UBR1: variants seen among roughly 807,000 people sequenced by gnomAD.
The protein encoded by UBR1 is E3 ubiquitin-protein ligase UBR1.
UBR1 carries 102 observed loss-of-function variants against 242.1 expected under a neutral mutation model. That is an observed-to-expected ratio of 0.42 (90% CI 0.36 to 0.50). UBR1 has a LOEUF of 0.50. Among genes scored for constraint, UBR1 ranks in the 20% least tolerant of loss-of-function variants. The pLI, the probability that UBR1 is intolerant of heterozygous loss-of-function variation, is 0.01. For missense variants in UBR1, 1,772 were observed against 2,101.8 expected (o/e 0.84, Z 3.07); for synonymous variants, 675 against 684.8 (o/e 0.99, Z 0.22).
chr15:43,059,187 A>G lies in UBR1; in HGVS notation c.991T>C (p.Phe331Leu), dbSNP rs759951032. The G allele has an allele frequency of 2.0e-5, 32 of 1,613,634 alleles. No individual in the cohort carries two copies. The highest frequency in any genetic ancestry group is 5.0e-5 in the Admixed American group (3 of 59,992). The change falls in exon 9 of 47, where the codon TTT becomes CTT. Residue 331 changes from phenylalanine to leucine, a missense_variant. Physicochemically the swap from Phe to Leu is conservative, Grantham distance 22. This residue lies in a region of UBR1 where 734 missense variants were observed against 893.3 expected (regional missense o/e 0.82). Transcript: ENST00000290650. The part of the protein sequence containing the change: ...MNKIMSYSSD[F>L]RQIFCQACLR... ...CATGCTTGGCAAAAGATCTGCCTAA[A>G]GTCACCTACAAACAAAAGAGGTCAC... is the stretch of plus-strand genomic sequence containing the variant.
chr15:42,961,423 CTTTT>C lies in UBR1; in HGVS notation c.4701-726_4701-723del, dbSNP rs766721149. Among the ~76,000 whole-genome samples, 14 of 131,894 alleles carry C rather than the reference CTTTT, an allele frequency of 1.1e-4. No homozygotes were observed. In the East Asian group the frequency reaches 2.4e-3, roughly 23 times the overall value. The allele number at this position is 131,894 out of a possible 152,430, so 86.5% of individuals were successfully genotyped here. A position where few individuals can be genotyped will look rare whatever the true frequency, so the allele number is the denominator to read the frequency against. On this transcript the variant is annotated intron_variant, in intron 42 of 46. Transcript: ENST00000290650. The stretch of plus-strand genomic sequence containing the variant: ...AGCCACTGTGCTGGCCTATGTTCCT[CTTTT>C]TTTTTTTTTTTTTTTAGATGGAGTC...
At chr15:42,963,838 A>G in intron 42 of UBR1, 97 bp downstream of exon 42, 1 of 951,216 alleles carries the variant, frequency 1.1e-6, no homozygotes, top group South Asian at 1.4e-5. Flanking sequence ...CACCCCTTTA[A>G]TCAGTGCTGA....
intron 20 of UBR1, among the ~76,000 whole-genome samples, chr15:43,031,991 A>C (rs958070351): frequency 2.6e-5 from 4 of 152,110 alleles, no homozygotes; most frequent in Non-Finnish European, 2.9e-5. Context: ...CTGAGATCGC[A>C]CCACTGCACT....
chr15:42,976,439 G>A (rs1489471855), intron 39 of UBR1, among the ~76,000 whole-genome samples: 1 of 152,152 alleles, frequency 6.6e-6, no homozygotes, highest in Non-Finnish European at 1.5e-5. Flanking sequence ...CAGACCTCGA[G>A]GATGGGGAAT....
chr15:43,020,538 C>T (rs529306299), intron 27 of UBR1, among the ~76,000 whole-genome samples: 2 of 152,306 alleles, frequency 1.3e-5, no homozygotes, highest in East Asian at 3.9e-4. Context: ...ATGCCTATCC[C>T]CCATAATCCA....
chr15:43,026,397 GT>G (rs2033178487), intron 23 of UBR1, 163 bp downstream of exon 23: 1 of 603,768 alleles, frequency 1.7e-6, no homozygotes, highest in South Asian at 1.9e-5. Flanking sequence ...AATATTGCCT[GT>G]ATACTAGATA....
chr15:42,997,837 A>C (rs2141282100), intron 33 of UBR1, among the ~76,000 whole-genome samples: 1 of 152,298 alleles, frequency 6.6e-6, no homozygotes, highest in East Asian at 1.9e-4. Context: ...AGCTTAAGTA[A>C]CTTGCCCAAG....
chr15:43,059,701 C>T lies in UBR1; in HGVS notation c.985+1G>A. 1 of 1,613,504 alleles carries T rather than the reference C, an allele frequency of 6.2e-7. No homozygotes were observed. Among genetic ancestry groups the T allele is most frequent in the Non-Finnish European group, 8.5e-7 (1 of 1,179,812 alleles). On this transcript the variant is annotated splice_donor_variant, in intron 8 of 46. Coordinates refer to ENST00000290650, the MANE Select transcript of UBR1 (RefSeq NM_174916.3). LOFTEE classifies it high-confidence loss of function. ...ACAAGAAAAACAGGAGGTATGCTTA[C>T]TTGAATAGCTCATAATTTTGTTCAT... is the stretch of plus-strand genomic sequence containing the variant.
At chr15:43,028,068 T>C (rs2033200213) in intron 21 of UBR1, among the ~76,000 whole-genome samples, 2 of 152,220 alleles carry the variant, frequency 1.3e-5, no homozygotes, top group Non-Finnish European at 2.9e-5. Flanking sequence ...TTTGCCTTCA[T>C]ATGTGTGTAT....
At chr15:42,972,370 AT>A (rs749031034) in intron 39 of UBR1, among the ~76,000 whole-genome samples, 4 of 151,348 alleles carry the variant, frequency 2.6e-5, no homozygotes, top group Non-Finnish European at 5.9e-5. Context: ...TCTTCTTTTT[AT>A]TTTTTTTATT....
chr15:42,982,579 T>A (rs1256034127), intron 37 of UBR1, among the ~76,000 whole-genome samples: 1 of 152,236 alleles, frequency 6.6e-6, no homozygotes, highest in Non-Finnish European at 1.5e-5. Flanking sequence ...AAAACTTGGA[T>A]GGTAGCTTTG....
chr15:43,102,883 T>A lies in UBR1; in HGVS notation c.81+3059A>T, dbSNP rs574140127. 1.1e-3 allele frequency among the ~76,000 whole-genome samples: 160 copies of A among 152,288 alleles called. 1 individual carries two copies. Among genetic ancestry groups the A allele is most frequent in the African/African-American group, 3.8e-3 (157 of 41,564 alleles). On this transcript the variant is annotated intron_variant, in intron 1 of 46. Coordinates refer to ENST00000290650, the MANE Select transcript of UBR1 (RefSeq NM_174916.3). ...CACATTTTCCTCCTCAAAGATCTTA[T>A]CCGGGCTGGGCGTAGTGGCTCACGC...
rs2031696160 is a variant in UBR1, at chr15:42,944,228, T to C, written c.*1101A>G. On this transcript the variant is annotated 3_prime_UTR_variant, in exon 47 of 47. Transcript: ENST00000290650. ...CAAAAGCCAGGAACCAAGAAGTCTATGCACAAATTCAGGAGAGCTCTATTA... is the reference window on the plus strand; with the variant it reads ...CAAAAGCCAGGAACCAAGAAGTCTACGCACAAATTCAGGAGAGCTCTATTA... 6.6e-6 allele frequency: 1 copy of C among 152,622 alleles called. No individual in the cohort carries two copies. The highest frequency in any genetic ancestry group is 1.5e-5 in the Non-Finnish European group (1 of 68,036). 9.5% of individuals were successfully genotyped at this position (152,622 alleles called of 1,614,324 possible).
At chr15:43,034,312 T>C (rs2033301393) in intron 19 of UBR1, among the ~76,000 whole-genome samples, 1 of 151,104 alleles carries the variant, frequency 6.6e-6, no homozygotes, top group Non-Finnish European at 1.5e-5. Context: ...CGTGGTGGCT[T>C]ATCCCTGCAG....
intron 30 of UBR1, among the ~76,000 whole-genome samples, chr15:43,005,475 G>A (rs1197714864): frequency 2.6e-5 from 4 of 151,024 alleles, no homozygotes; most frequent in Non-Finnish European, 5.9e-5. Context: ...AGGTGGGGGG[G>A]CAGCCCCTGC....
At chr15:42,994,589 C>G (rs1294372463) in intron 33 of UBR1, among the ~76,000 whole-genome samples, 1 of 152,142 alleles carries the variant, frequency 6.6e-6, no homozygotes, top group Admixed American at 6.5e-5. Flanking sequence ...TGTACCAAAA[C>G]AACACAGCGT....
intron 21 of UBR1, among the ~76,000 whole-genome samples, chr15:43,028,414 G>A (rs1217714554): frequency 6.6e-6 from 1 of 152,028 alleles, no homozygotes; most frequent in African/African-American, 2.4e-5. Context: ...ACAGATTCCT[G>A]TAGGCTTGTA....
chr15:43,101,173 G>C (rs2034229895), intron 1 of UBR1, among the ~76,000 whole-genome samples: 1 of 152,218 alleles, frequency 6.6e-6, no homozygotes, highest in African/African-American at 2.4e-5. Context: ...AAATGAGGTG[G>C]AGATGCAGGG....
Position 42,990,977 on chromosome 15 carries a change from C to T in UBR1, c.3758-857G>A, listed in dbSNP as rs370980402. Among the ~76,000 whole-genome samples, 43 of 141,368 alleles carry T rather than the reference C, an allele frequency of 3.0e-4. No individual in the cohort carries two copies. In the East Asian group the frequency reaches 6.9e-3, roughly 23 times the overall value. 92.7% of individuals were successfully genotyped at this position (141,368 alleles called of 152,430 possible). A position where few individuals can be genotyped will look rare whatever the true frequency, so the allele number is the denominator to read the frequency against. On this transcript the variant is annotated intron_variant, in intron 33 of 46. Transcript: ENST00000290650. ...AGATTTTTAATCTTTTTTTTTTTTT[C>T]AAGAGATGAGGTCTTAGCTGGGCAT...
Sources: allele counts gnomAD v4.1 joint callset (sites outside exome capture counted in the v4.1 genomes callset), GRCh38; gene constraint gnomAD v4.1.1; regional missense constraint gnomAD v4.1.1; transcripts MANE v1.5; gene names NCBI Gene and HGNC (gene_info 2026-07-23, HGNC 2026-07-21).